Variants in FNBP1 observed in about 807,000 individuals in gnomAD.
The protein encoded by FNBP1 is formin-binding protein 1.
A neutral mutation model predicts 90.6 loss-of-function variants in FNBP1; 26 were observed. That is an observed-to-expected ratio of 0.29 (90% CI 0.21 to 0.40). The LOEUF (loss-of-function observed/expected upper bound fraction) is 0.40. FNBP1 is among the 10% of genes least tolerant of loss of function. The pLI, the probability that FNBP1 is intolerant of heterozygous loss-of-function variation, is 1.00. For synonymous variants in FNBP1, 260 were observed against 265.2 expected (o/e 0.98, Z 0.19); for missense variants, 635 against 768.0 (o/e 0.83, Z 2.05).
At chr9:130,019,299 CA>C (rs377349862) in intron 1 of FNBP1, among the ~76,000 whole-genome samples, 1,601 of 79,126 alleles carry the variant, frequency 0.02, 13 homozygotes, top group Middle Eastern at 0.064. Context: ...GACTCTGTCT[CA>C]AAAAAAAAAA....
chr9:130,018,473 G>A (rs2057479519), intron 1 of FNBP1, among the ~76,000 whole-genome samples: 1 of 152,116 alleles, frequency 6.6e-6, no homozygotes, highest in African/African-American at 2.4e-5. Flanking sequence ...AGGCTGTAGA[G>A]CCTACAAACC....
intron 16 of FNBP1, 40 bp downstream of exon 16, chr9:129,895,798 A>AGTT: frequency 6.7e-7 from 1 of 1,493,082 alleles, no homozygotes; most frequent in Non-Finnish European, 8.9e-7. Context: ...ATTTTTTTTA[A>AGTT]GTTTTTTTTT....
At chr9:130,051,548 G>C in the FNBP1 span, among the ~76,000 whole-genome samples, 34 of 152,284 alleles carry the variant, frequency 2.2e-4, no homozygotes, top group Non-Finnish European at 4.7e-4. Context: ...AGGCAGGGTG[G>C]CTTACGCCTG....
intron 8 of FNBP1, 42 bp from the exon 9 acceptor site, chr9:129,925,199 T>C (rs763506425): frequency 1.5e-5 from 22 of 1,510,980 alleles, no homozygotes; most frequent in Non-Finnish European, 2.0e-5. Context: ...TTCAGAAGCA[T>C]GCAAACACTT....
At position 129,938,313 on chromosome 9, in the gene FNBP1, T is replaced by C. The variant is rs139762218; in HGVS notation, c.514-8618A>G. On this transcript the variant is annotated intron_variant, in intron 6 of 16. Coordinates refer to ENST00000446176, the MANE Select transcript of FNBP1 (RefSeq NM_015033.3). ...ATTGTTTAAATTTCCCAGCAAACTGTTGTATCTAGAATATATTTTCAATTT... is the reference window on the plus strand; with the variant it reads ...ATTGTTTAAATTTCCCAGCAAACTGCTGTATCTAGAATATATTTTCAATTT... Among the ~76,000 whole-genome samples the C allele has an allele frequency of 6.4e-3, 979 of 152,326 alleles. 5 individuals carry two copies. The highest frequency in any genetic ancestry group is 0.011 in the East Asian group (55 of 5,190).
intron 2 of FNBP1, among the ~76,000 whole-genome samples, chr9:129,984,593 G>A (rs2051835902): frequency 6.6e-6 from 1 of 152,136 alleles, no homozygotes; most frequent in African/African-American, 2.4e-5. Context: ...GAGTGCCCTG[G>A]GGGTTCGCCC....
At chr9:130,029,867 C>T (rs534382724) in intron 1 of FNBP1, among the ~76,000 whole-genome samples, 25 of 151,966 alleles carry the variant, frequency 1.6e-4, no homozygotes, top group African/African-American at 4.8e-4. Context: ...GCCTGTAGTC[C>T]CAGCTACTTG....
At chr9:130,040,221 A>C (rs576466818) in intron 1 of FNBP1, among the ~76,000 whole-genome samples, 142 of 152,290 alleles carry the variant, frequency 9.3e-4, no homozygotes, top group Admixed American at 1.6e-3. Context: ...TTTCACCTGA[A>C]AACTTAGATT....
chr9:130,011,281 CATT>C (rs1175881114), intron 1 of FNBP1, among the ~76,000 whole-genome samples: 2 of 95,242 alleles, frequency 2.1e-5, no homozygotes, highest in Non-Finnish European at 4.0e-5. Context: ...ATATATATAA[CATT>C]ATTACTTATA....
chr9:129,952,757 G>A (rs2046373471), intron 6 of FNBP1, among the ~76,000 whole-genome samples: 1 of 152,040 alleles, frequency 6.6e-6, no homozygotes, highest in African/African-American at 2.4e-5. Flanking sequence ...TTGTTTAATA[G>A]AATAACTCCA....
At chr9:129,959,086 G>GA (rs113974744) in intron 4 of FNBP1, among the ~76,000 whole-genome samples, 1 of 149,982 alleles carries the variant, frequency 6.7e-6, no homozygotes, top group Non-Finnish European at 1.5e-5. Flanking sequence ...CACTTGGGGG[G>GA]AAAAAAAGCA....
chr9:129,902,719 A>G, intron 13 of FNBP1, 150 bp downstream of exon 13: 1 of 710,844 alleles, frequency 1.4e-6, no homozygotes, highest in East Asian at 2.7e-5. Context: ...CGAAGAGTGT[A>G]TTTTTCCTTT....
At position 129,990,768 on chromosome 9, in the gene FNBP1, C is replaced by T. The variant is rs1313115631; in HGVS notation, c.140+4075G>A. ...TCATAACCAGGCAAAAGATCATGGA[C>T]CACGTAGGCCATGTGACATGGACCA... is the stretch of plus-strand genomic sequence containing the variant. On this transcript the variant is annotated intron_variant, in intron 2 of 16. Coordinates refer to ENST00000446176, the MANE Select transcript of FNBP1 (RefSeq NM_015033.3). 2.0e-5 allele frequency among the ~76,000 whole-genome samples: 3 copies of T among 152,058 alleles called. No individual in the cohort carries two copies. The East Asian group carries it at 5.8e-4, about 29-fold the overall frequency.
Position 129,900,986 on chromosome 9 carries a change from A to T in FNBP1, c.1429-439T>A, listed in dbSNP as rs913829469. Among the ~76,000 whole-genome samples the T allele has an allele frequency of 4.3e-4, 66 of 152,230 alleles. 1 individual carries two copies. Among genetic ancestry groups the T allele is most frequent in the Admixed American group, 4.3e-3 (65 of 15,282 alleles). ...GCTTAAAGCAGTGACTCAGTTTGAA[A>T]GCCACACTTCCTATTTTTTAGGAGT... On this transcript the variant is annotated intron_variant, in intron 13 of 16. Transcript: ENST00000446176. The surrounding 1 kb of genome is among the most constrained non-coding windows in gnomAD (Gnocchi z 4.1).
chr9:129,941,986 G>A (rs866763694), intron 6 of FNBP1, among the ~76,000 whole-genome samples: 5 of 151,576 alleles, frequency 3.3e-5, no homozygotes, highest in East Asian at 1.9e-4. Flanking sequence ...CAGGAGAATC[G>A]CTTGAACCTG....
intron 3 of FNBP1, 86 bp from the exon 4 acceptor site, chr9:129,978,698 A>C: frequency 7.3e-7 from 1 of 1,370,062 alleles, no homozygotes. Context: ...TATTAATTAA[A>C]ATCAGGTTAA....
At position 129,890,271 on chromosome 9, in the gene FNBP1, GCCTGCGC is replaced by G; in HGVS notation, c.*261_*267del. On this transcript the variant is annotated 3_prime_UTR_variant, in exon 17 of 17. Transcript: ENST00000446176. The surrounding 1 kb of genome is among the most constrained non-coding windows in gnomAD (Gnocchi z 5.8). ...GGGCGTGTGTCCCACCGTCTCAGTG[GCCTGCGC>G]GGGGTGGGGAGGGGGAGCGATGAGG... 1.9e-6 allele frequency: 1 copy of G among 529,762 alleles called. No individual in the cohort carries two copies. The highest frequency in any genetic ancestry group is 3.4e-6 in the Non-Finnish European group (1 of 298,486). The allele number at this position is 529,762 out of a possible 1,614,324, so 32.8% of individuals were successfully genotyped here.
intron 6 of FNBP1, among the ~76,000 whole-genome samples, chr9:129,952,689 C>A (rs10760649): frequency 6.6e-6 from 1 of 151,950 alleles, no homozygotes; most frequent in South Asian, 2.1e-4. Flanking sequence ...GGAAAGGGGG[C>A]CACTTTTTAT....
chr9:129,964,738 A>C (rs1296738535), intron 4 of FNBP1, among the ~76,000 whole-genome samples: 1 of 152,144 alleles, frequency 6.6e-6, no homozygotes, highest in Non-Finnish European at 1.5e-5. Context: ...AAATGCTATG[A>C]GAATGTTTAG....
Sources: allele counts gnomAD v4.1 joint callset (sites outside exome capture counted in the v4.1 genomes callset), GRCh38; gene constraint gnomAD v4.1.1; non-coding constraint Gnocchi (gnomAD v3.1); transcripts MANE v1.5; gene names NCBI Gene and HGNC (gene_info 2026-07-23, HGNC 2026-07-21).